Variants in SMPD3 observed in about 807,000 individuals in gnomAD.
SMPD3 encodes the protein nSMase-2.
Under a neutral mutation model 55.7 loss-of-function variants are expected in SMPD3, and 21 were observed. The ratio of observed to expected loss-of-function variants is 0.38; its 90% CI spans 0.27 to 0.54. The LOEUF (loss-of-function observed/expected upper bound fraction) is 0.54. Ranked by LOEUF, SMPD3 falls within the 20% of genes least tolerant of loss-of-function variation. SMPD3 has a pLI of 0.80. For missense variants in SMPD3, 842 were observed against 899.6 expected (o/e 0.94, Z 0.82); for synonymous variants, 457 against 404.3 (o/e 1.13, Z -1.56).
intron 1 of SMPD3, among the ~76,000 whole-genome samples, chr16:68,439,929 A>G (rs529860556): frequency 2.8e-4 from 43 of 152,360 alleles, no homozygotes; most frequent in African/African-American, 1.0e-3. Context: ...TCAGAACTTC[A>G]GGGTAAACAT....
At chr16:68,394,807 A>T (rs528925644) in intron 1 of SMPD3, among the ~76,000 whole-genome samples, 20 of 152,254 alleles carry the variant, frequency 1.3e-4, no homozygotes, top group Non-Finnish European at 2.8e-4. Context: ...CTAAGGGAAA[A>T]TAGAAAAAAC....
chr16:68,422,834 G>A (rs781319059), intron 1 of SMPD3, among the ~76,000 whole-genome samples: 32 of 152,146 alleles, frequency 2.1e-4, no homozygotes, highest in Non-Finnish European at 3.4e-4. Flanking sequence ...TGGTTCCTTC[G>A]TTAAAGTGAG....
chr16:68,428,901 G>A (rs2090458561), intron 1 of SMPD3, among the ~76,000 whole-genome samples: 2 of 152,174 alleles, frequency 1.3e-5, no homozygotes, highest in African/African-American at 4.8e-5. Flanking sequence ...AGGAACTATG[G>A]TCACATAAAA....
At chr16:68,425,991 A>G (rs1439881048) in intron 1 of SMPD3, among the ~76,000 whole-genome samples, 2 of 152,200 alleles carry the variant, frequency 1.3e-5, no homozygotes, top group African/African-American at 2.4e-5. Flanking sequence ...ATTTGCTTAA[A>G]AAGAAGCAGG....
intron 1 of SMPD3, among the ~76,000 whole-genome samples, chr16:68,414,859 G>A (rs1365535287): frequency 1.3e-5 from 2 of 152,228 alleles, no homozygotes; most frequent in Non-Finnish European, 2.9e-5. Flanking sequence ...GGTGACAGAA[G>A]GCAGGAGATG....
chr16:68,400,510 T>G (rs1486216945), intron 1 of SMPD3, among the ~76,000 whole-genome samples: 3 of 152,214 alleles, frequency 2.0e-5, no homozygotes, highest in African/African-American at 7.2e-5. Context: ...AGCTGGCCCA[T>G]GGGTTAGACT....
Position 68,361,714 on chromosome 16 carries a change from G to A in SMPD3, c.1755C>T (p.Pro585=). Residue 585 remains proline (P), a synonymous_variant, in exon 8 of 9, where the codon CCC becomes CCT. Transcript: ENST00000219334. ...EEGRREYLAF[P]TSKSSGQKGR... The stretch of plus-strand genomic sequence containing the variant: ...CCTTCTGGCCCGAGCTCTTGCTGGT[G>A]GGAAACGCCAGGTACTCCCTGCGGC... The A allele has an allele frequency of 1.2e-6, 2 of 1,613,060 alleles. No homozygotes were observed. The highest frequency in any genetic ancestry group is 1.1e-5 in the South Asian group (1 of 91,080).
chr16:68,439,092 C>T (rs2090547161), intron 1 of SMPD3, among the ~76,000 whole-genome samples: 1 of 152,150 alleles, frequency 6.6e-6, no homozygotes, highest in Non-Finnish European at 1.5e-5. Context: ...ATATATGTTG[C>T]CATGTAATTG....
At chr16:68,427,880 G>A (rs992331646) in intron 1 of SMPD3, among the ~76,000 whole-genome samples, 1 of 152,166 alleles carries the variant, frequency 6.6e-6, no homozygotes, top group Non-Finnish European at 1.5e-5. Flanking sequence ...GCAAGCGGGG[G>A]CAGGTACAAG....
Position 68,359,706 on chromosome 16 carries a change from C to G in SMPD3, c.*1500G>C, listed in dbSNP as rs1394431691. ...CCAGGCTGGGTGTAGGGCCAGGGCG[C>G]CACGAGGAGCGGAGGTCAGCGGGGA... On this transcript the variant is annotated 3_prime_UTR_variant, in exon 9 of 9. Transcript: ENST00000219334. The G allele has an allele frequency of 4.6e-5, 7 of 152,568 alleles. No homozygotes were observed. Among genetic ancestry groups the G allele is most frequent in the Non-Finnish European group, 1.0e-4 (7 of 68,074 alleles). 9.5% of individuals were successfully genotyped at this position (152,568 alleles called of 1,614,324 possible).
intron 1 of SMPD3, among the ~76,000 whole-genome samples, chr16:68,408,512 A>C (rs1379317061): frequency 1.3e-5 from 2 of 152,250 alleles, no homozygotes; most frequent in Non-Finnish European, 2.9e-5. Flanking sequence ...GGTGAGAAGT[A>C]AAGCCTGGGC....
chr16:68,419,365 C>A (rs927684981), intron 1 of SMPD3, among the ~76,000 whole-genome samples: 2 of 152,196 alleles, frequency 1.3e-5, no homozygotes, highest in Non-Finnish European at 2.9e-5. Flanking sequence ...GTCTCTGGAA[C>A]CTTCCTTTGG....
intron 2 of SMPD3, among the ~76,000 whole-genome samples, chr16:68,384,300 A>C (rs1194949370): frequency 6.6e-6 from 1 of 152,256 alleles, no homozygotes; most frequent in Non-Finnish European, 1.5e-5. Flanking sequence ...TTCACAGAGA[A>C]GATCCCTTCA....
chr16:68,376,853 A>ACT (rs1184058270), intron 2 of SMPD3, among the ~76,000 whole-genome samples: 2 of 152,114 alleles, frequency 1.3e-5, no homozygotes, highest in African/African-American at 4.8e-5. Flanking sequence ...TGGGCTTGGG[A>ACT]CTCAGGGTGA....
chr16:68,389,288 C>A (rs1035276401), intron 1 of SMPD3, among the ~76,000 whole-genome samples: 3 of 152,202 alleles, frequency 2.0e-5, no homozygotes, highest in African/African-American at 7.2e-5. Flanking sequence ...CTCCTGCCTG[C>A]CTGCCTGTCC....
intron 7 of SMPD3, among the ~76,000 whole-genome samples, chr16:68,362,663 C>T (rs2089343870): frequency 6.6e-6 from 1 of 152,236 alleles, no homozygotes; most frequent in Non-Finnish European, 1.5e-5. Flanking sequence ...GCAGGGCCTG[C>T]AAACATGGGC....
In SMPD3 at chr16:68,359,926, G is replaced by A. The variant is rs759513018; in HGVS notation, c.*1280C>T. On this transcript the variant is annotated 3_prime_UTR_variant, in exon 9 of 9. Transcript: ENST00000219334. The stretch of plus-strand genomic sequence containing the variant: ...ACAAGCTGTTGGCCAGCTCTGCCAT[G>A]CTGAACTTGGGTGCCAGTACCACAC... 2 of 152,590 alleles carry A rather than the reference G, an allele frequency of 1.3e-5. No homozygotes were observed. Among genetic ancestry groups the A allele is most frequent in the Non-Finnish European group, 2.9e-5 (2 of 68,210 alleles). 9.5% of individuals were successfully genotyped at this position (152,590 alleles called of 1,614,324 possible). A position where few individuals can be genotyped will look rare whatever the true frequency, so the allele number is the denominator to read the frequency against.
At chr16:68,361,397 C>G (rs923670876) in intron 8 of SMPD3, 90 bp from the exon 9 acceptor site, 39 of 1,449,788 alleles carry the variant, frequency 2.7e-5, no homozygotes, top group Non-Finnish European at 3.5e-5. Context: ...AAGTGAGGCC[C>G]CGGGGCTGGG....
chr16:68,425,720 G>A (rs1012854407), intron 1 of SMPD3, among the ~76,000 whole-genome samples: 1 of 152,152 alleles, frequency 6.6e-6, no homozygotes, highest in Non-Finnish European at 1.5e-5. Flanking sequence ...AGGCTGGGAG[G>A]GTGGTGGGAT....
Sources: gnomAD v4.1 joint callset for allele counts (sites outside exome capture counted in the v4.1 genomes callset) on GRCh38, gnomAD v4.1.1 for gene constraint, MANE v1.5 for transcripts, NCBI Gene and HGNC (gene_info 2026-07-23, HGNC 2026-07-21) for gene names.